FMR1NB: variants seen among roughly 807,000 people sequenced by gnomAD.
The protein encoded by FMR1NB is FMR1 neighbor, also known as FMR1 neighbor protein.
In FMR1NB, 10 loss-of-function variants were observed where a neutral mutation model predicts 16.8. That is an observed-to-expected ratio of 0.60 (90% CI 0.37 to 1.01). The LOEUF (loss-of-function observed/expected upper bound fraction) is 1.01, where lower values mean the gene tolerates loss of function less well. Among genes scored for constraint, FMR1NB ranks in the 50% least tolerant of loss-of-function variants. FMR1NB has a pLI of 0.01. For synonymous variants in FMR1NB, 83 were observed against 79.1 expected (o/e 1.05, Z -0.26); for missense variants, 205 against 204.8 (o/e 1.00, Z 0.00).
chrX:148,021,931 G>T (rs781824977), intron 4 of FMR1NB, among the ~76,000 whole-genome samples: 8 of 99,588 alleles, frequency 8.0e-5, no homozygotes, highest in East Asian at 3.1e-4. Context: ...GGATCCCATT[G>T]TCTAGTACTT....
rs782724893 is a variant in FMR1NB at position 148,003,336 on chromosome X, A to AT, written c.397+23dup. The AT allele has an allele frequency of 1.7e-6, 2 of 1,204,059 alleles. No individual in the cohort carries two copies. The highest frequency in any genetic ancestry group is 1.1e-6 in the Non-Finnish European group (1 of 891,404). ...TTTCCAACAAGTAAGTTCTTGTTTG[A>AT]TTTTTTTCCCCCTCTAATGTTCTTG... On this transcript the variant is annotated intron_variant, in intron 2 of 5. Coordinates refer to ENST00000370467, the MANE Select transcript of FMR1NB (RefSeq NM_152578.3).
At chrX:147,984,664 G>T (rs1276755217) in intron 1 of FMR1NB, among the ~76,000 whole-genome samples, 1 of 111,653 alleles carries the variant, frequency 9.0e-6, no homozygotes, top group African/African-American at 3.3e-5. Context: ...AATAGAGAGA[G>T]TTTTACTTTT....
chrX:148,008,917 C>T (rs1333137810), intron 4 of FMR1NB, among the ~76,000 whole-genome samples: 12 of 111,839 alleles, frequency 1.1e-4, no homozygotes, highest in Non-Finnish European at 5.6e-5. Flanking sequence ...CGGTGGCTCA[C>T]GCCTGTAATC....
intron 2 of FMR1NB, among the ~76,000 whole-genome samples, chrX:148,005,039 G>A (rs1041141506): frequency 8.0e-5 from 9 of 111,858 alleles, no homozygotes; most frequent in Non-Finnish European, 1.7e-4. Flanking sequence ...ACAGGCACAT[G>A]CCACCACGCC....
intron 4 of FMR1NB, among the ~76,000 whole-genome samples, chrX:148,018,578 A>C (rs1162020679): frequency 3.6e-5 from 4 of 111,841 alleles, no homozygotes; most frequent in Non-Finnish European, 5.6e-5. Context: ...TGGGGAAAGC[A>C]TTCCCTATTT....
At chrX:148,007,170 A>G (rs1360460337) in intron 3 of FMR1NB, among the ~76,000 whole-genome samples, 1 of 112,509 alleles carries the variant, frequency 8.9e-6, no homozygotes, top group Non-Finnish European at 1.9e-5. Flanking sequence ...GCCTTAGCTT[A>G]CTTCTCTTTG....
intron 1 of FMR1NB, among the ~76,000 whole-genome samples, chrX:147,991,022 C>T (rs1197466288): frequency 9.0e-6 from 1 of 110,990 alleles, no homozygotes; most frequent in Non-Finnish European, 1.9e-5. Context: ...TGCTCATTTC[C>T]CCTCATGAAA....
chrX:148,016,748 C>A (rs1260349769), intron 4 of FMR1NB, among the ~76,000 whole-genome samples: 1 of 111,451 alleles, frequency 9.0e-6, no homozygotes, highest in Non-Finnish European at 1.9e-5. Flanking sequence ...AATAAAAACT[C>A]TACCTCATAG....
chrX:148,014,624 A>G (rs73247530), intron 4 of FMR1NB, among the ~76,000 whole-genome samples: 6,130 of 110,256 alleles, frequency 0.056, 312 homozygotes, highest in African/African-American at 0.16. Context: ...TAGCATGTAG[A>G]TGGCTTCTAC....
intron 1 of FMR1NB, among the ~76,000 whole-genome samples, chrX:147,982,753 G>T (rs1205978761): frequency 2.7e-5 from 3 of 109,946 alleles, no homozygotes; most frequent in East Asian, 2.9e-4. Context: ...AATTAGCCAG[G>T]TGTGGTGGCA....
At chrX:148,019,830 C>T (rs1557190470) in intron 4 of FMR1NB, among the ~76,000 whole-genome samples, 1 of 111,951 alleles carries the variant, frequency 8.9e-6, no homozygotes. Context: ...AGGCCACCAC[C>T]ACTGGGACTG....
At chrX:147,991,647 C>CTTTTT (rs782065632) in intron 1 of FMR1NB, among the ~76,000 whole-genome samples, 128 of 87,332 alleles carry the variant, frequency 1.5e-3, no homozygotes, top group African/African-American at 5.9e-3. Flanking sequence ...GGCCTTCCTT[C>CTTTTT]TTTTTTTTTT....
intron 4 of FMR1NB, among the ~76,000 whole-genome samples, chrX:148,014,463 A>T (rs1460365024): frequency 8.9e-6 from 1 of 111,988 alleles, no homozygotes; most frequent in Admixed American, 9.5e-5. Flanking sequence ...TCTGTGTTCC[A>T]GGCCTTGTGT....
intron 1 of FMR1NB, among the ~76,000 whole-genome samples, chrX:148,001,787 C>T (rs1770777232): frequency 9.0e-6 from 1 of 110,662 alleles, no homozygotes; most frequent in African/African-American, 3.3e-5. Flanking sequence ...TAAACAATAA[C>T]ATTAGTATTG....
chrX:148,014,076 A>C (rs782191494), intron 4 of FMR1NB, among the ~76,000 whole-genome samples: 2 of 110,983 alleles, frequency 1.8e-5, no homozygotes, highest in African/African-American at 3.3e-5. Flanking sequence ...GCTTCAGGAG[A>C]GGAGCAAAAG....
chrX:147,984,708 T>C lies in FMR1NB; in HGVS notation c.277+3029T>C, dbSNP rs1320285780. 3.6e-5 allele frequency among the ~76,000 whole-genome samples: 4 copies of C among 112,181 alleles called. No individual in the cohort carries two copies. The East Asian group carries it at 1.1e-3, about 31-fold the overall frequency. On this transcript the variant is annotated intron_variant, in intron 1 of 5. Coordinates refer to ENST00000370467, the MANE Select transcript of FMR1NB (RefSeq NM_152578.3). ...GATTTTCATGCCATTTATTTATCCT[T>C]ATTGCTTAATTGCTCTTGCTAGAAC...
At position 147,982,972 on chromosome X, in the gene FMR1NB, C is replaced by T. The variant is rs554036615; in HGVS notation, c.277+1293C>T. Among the ~76,000 whole-genome samples the T allele has an allele frequency of 1.0e-3, 112 of 112,112 alleles. 4 individuals are homozygous for T. In the South Asian group the frequency reaches 0.039, roughly 39 times the overall value. On this transcript the variant is annotated intron_variant, in intron 1 of 5. Transcript: ENST00000370467. ...TTATAGTGAACAATTAAAGGGATTT[C>T]GTTCCTGTAAATGTTGTGCAACCAT...
intron 1 of FMR1NB, among the ~76,000 whole-genome samples, chrX:147,982,588 C>CA (rs79206034): frequency 0.049 from 1,345 of 27,510 alleles, 41 homozygotes; most frequent in African/African-American, 0.11. Context: ...GACTCCGTCT[C>CA]AAAAAAAAAA....
intron 1 of FMR1NB, among the ~76,000 whole-genome samples, chrX:147,991,924 A>G (rs1360560812): frequency 9.1e-6 from 1 of 109,417 alleles, no homozygotes; most frequent in Non-Finnish European, 1.9e-5. Context: ...CCCTTAATCC[A>G]TTTAACCCTG....
Sources: allele counts gnomAD v4.1 joint callset (sites outside exome capture counted in the v4.1 genomes callset), GRCh38; gene constraint gnomAD v4.1.1; transcripts MANE v1.5; gene names NCBI Gene and HGNC (gene_info 2026-07-23, HGNC 2026-07-21).